ZFYVE9: variants seen among roughly 807,000 people sequenced by gnomAD.
ZFYVE9 encodes the protein zinc finger FYVE domain-containing protein 9.
A neutral mutation model predicts 126.7 loss-of-function variants in ZFYVE9; 43 were observed. The observed-to-expected ratio is 0.34, with a 90% confidence interval of 0.27 to 0.44. ZFYVE9 has a LOEUF of 0.44. Ranked by LOEUF, ZFYVE9 falls within the 20% of genes least tolerant of loss-of-function variation. The pLI is 1.00. For missense variants in ZFYVE9, 1,476 were observed against 1,697.0 expected, an observed-to-expected ratio of 0.87 and a Z score of 2.29; for synonymous variants, 521 against 597.4, an observed-to-expected ratio of 0.87 and a Z score of 1.87.
intron 4 of ZFYVE9, among the ~76,000 whole-genome samples, chr1:52,241,894 G>A (rs1045012375): frequency 1.3e-5 from 2 of 151,976 alleles, no homozygotes; most frequent in East Asian, 1.9e-4. Context: ...TTAAGCATAC[G>A]TAGTAATTAC....
intron 1 of ZFYVE9, among the ~76,000 whole-genome samples, chr1:52,169,497 C>G (rs188118647): frequency 2.5e-4 from 38 of 152,230 alleles, no homozygotes; most frequent in African/African-American, 7.5e-4. Flanking sequence ...ACATGTTTAT[C>G]TTGTTGATCA....
intron 9 of ZFYVE9, among the ~76,000 whole-genome samples, chr1:52,278,982 G>A (rs1433932858): frequency 4.6e-5 from 7 of 151,812 alleles, no homozygotes; most frequent in African/African-American, 1.4e-4. Context: ...CTGGTGATCC[G>A]CCCGCCTCAG....
intron 14 of ZFYVE9, 97 bp downstream of exon 14, chr1:52,333,015 GGT>G: frequency 1.4e-6 from 2 of 1,460,800 alleles, no homozygotes; most frequent in East Asian, 4.7e-5. Flanking sequence ...TTTCTAGATA[GGT>G]GACCACAAAC....
intron 4 of ZFYVE9, among the ~76,000 whole-genome samples, chr1:52,256,065 T>C (rs903821008): frequency 7.2e-6 from 1 of 139,572 alleles, no homozygotes; most frequent in African/African-American, 2.7e-5. Context: ...CTCTCTCTCT[T>C]TCTTTCTTTT....
chr1:52,268,893 C>G (rs746134118), intron 7 of ZFYVE9, among the ~76,000 whole-genome samples: 5 of 152,162 alleles, frequency 3.3e-5, no homozygotes, highest in Non-Finnish European at 7.4e-5. Context: ...AGCAGTCGGG[C>G]TGTGGGGAAT....
rs765566684 is a variant in ZFYVE9 at position 52,237,589 on chromosome 1, G to A, written c.172G>A (p.Glu58Lys). 6 of 1,614,006 alleles carry A rather than the reference G, an allele frequency of 3.7e-6. No homozygotes were observed. The highest frequency in any genetic ancestry group is 3.3e-4 in the Middle Eastern group (2 of 6,062). The change falls in exon 4 of 19, where the codon GAA becomes AAA. Residue 58 changes from glutamate to lysine, a missense_variant. Around this residue, in one of 2 missense-constraint regions of ZFYVE9, gnomAD observed 807 missense variants for 794.6 expected, o/e 1.02. Transcript: ENST00000287727. ...SFNPTLASVN[E>K]SAVSNESQPQ... ...TAACCCTACTTTGGCCAGTGTGAAT[G>A]AATCTGCAGTTTCTAATGAGTCACA...
intron 11 of ZFYVE9, 130 bp downstream of exon 11, chr1:52,293,807 T>C: frequency 1.2e-6 from 1 of 837,166 alleles, no homozygotes; most frequent in South Asian, 1.8e-5. Context: ...ATTTGGCCAG[T>C]GTCTGCGTGT....
intron 1 of ZFYVE9, among the ~76,000 whole-genome samples, chr1:52,204,980 C>CT (rs1644959838): frequency 6.6e-6 from 1 of 151,622 alleles, no homozygotes; most frequent in Admixed American, 6.6e-5. Flanking sequence ...GAGGTTCCTG[C>CT]TTGTGGGTTT....
intron 8 of ZFYVE9, 99 bp from the exon 9 acceptor site, chr1:52,278,393 A>C: frequency 2.0e-6 from 3 of 1,470,440 alleles, no homozygotes; most frequent in Non-Finnish European, 2.9e-6. Flanking sequence ...AATCAAATGC[A>C]TGTCTCTTTT....
At chr1:52,173,981 GTT>G (rs36158762) in intron 1 of ZFYVE9, among the ~76,000 whole-genome samples, 4 of 150,618 alleles carry the variant, frequency 2.7e-5, no homozygotes, top group African/African-American at 7.3e-5. Context: ...TTTTTGAAGA[GTT>G]TTTTTTTGTC....
intron 17 of ZFYVE9, among the ~76,000 whole-genome samples, chr1:52,344,376 G>A (rs779125737): frequency 2.0e-5 from 3 of 152,312 alleles, no homozygotes; most frequent in South Asian, 2.1e-4. Context: ...GCTGGGTCAC[G>A]TCAGCTATAA....
At chr1:52,259,187 T>G (rs549419379) in intron 4 of ZFYVE9, among the ~76,000 whole-genome samples, 31 of 152,260 alleles carry the variant, frequency 2.0e-4, no homozygotes, top group African/African-American at 7.0e-4. Flanking sequence ...TATGGTGGTG[T>G]TCTTGTATGT....
chr1:52,256,980 C>A (rs1267572638), intron 4 of ZFYVE9, among the ~76,000 whole-genome samples: 1 of 152,124 alleles, frequency 6.6e-6, no homozygotes, highest in Non-Finnish European at 1.5e-5. Flanking sequence ...CCTGGGACAT[C>A]ATTTTTTGCA....
intron 13 of ZFYVE9, among the ~76,000 whole-genome samples, chr1:52,309,295 G>A (rs1254706165): frequency 6.6e-6 from 1 of 152,132 alleles, no homozygotes; most frequent in East Asian, 1.9e-4. Flanking sequence ...TGGGCAACAT[G>A]GCAAGACCCC....
At chr1:52,219,950 G>A (rs1572109807) in intron 2 of ZFYVE9, among the ~76,000 whole-genome samples, 1 of 152,124 alleles carries the variant, frequency 6.6e-6, no homozygotes, top group East Asian at 1.9e-4. Flanking sequence ...GCTAATTTTT[G>A]TATTTTTAGT....
intron 13 of ZFYVE9, among the ~76,000 whole-genome samples, chr1:52,325,994 C>G (rs1646287848): frequency 6.6e-6 from 1 of 152,184 alleles, no homozygotes; most frequent in African/African-American, 2.4e-5. Flanking sequence ...TCCGGGACTC[C>G]AAGGGTGGGA....
intron 1 of ZFYVE9, among the ~76,000 whole-genome samples, chr1:52,187,985 C>T (rs1457528705): frequency 6.6e-6 from 1 of 152,138 alleles, no homozygotes; most frequent in Non-Finnish European, 1.5e-5. Flanking sequence ...GGTATATACC[C>T]AAAGGAATAT....
intron 2 of ZFYVE9, among the ~76,000 whole-genome samples, chr1:52,219,560 TGGTGTC>T (rs1161221104): frequency 6.6e-6 from 1 of 151,996 alleles, no homozygotes; most frequent in Non-Finnish European, 1.5e-5. Context: ...ATCTCTGGGC[TGGTGTC>T]GGTGAATTGG....
rs148834262 is a variant in ZFYVE9, at chr1:52,293,506, A to G, written c.3079A>G (p.Ser1027Gly). ...CTTCTTCAGTCAAAGTTTCCTTGGC[A>G]GTAAAGAACATGGTGGATTCTTATA... ...HSFFSQSFLG[S>G]KEHGGFLYVT... is the part of the protein sequence containing the mutation. The change falls in exon 11 of 19, where the codon AGT (serine) becomes GGT (glycine). Residue 1027 changes from serine to glycine, a missense_variant. This residue lies in a region of ZFYVE9 where 669 missense variants were observed against 902.4 expected (regional missense o/e 0.74). Coordinates refer to ENST00000287727, the MANE Select transcript of ZFYVE9 (RefSeq NM_004799.4). 4.2e-5 allele frequency: 68 copies of G among 1,614,038 alleles called. No homozygotes were observed. In the African/African-American group the frequency reaches 8.9e-4, roughly 21 times the overall value.
Sources: gnomAD v4.1 joint callset for allele counts (sites outside exome capture counted in the v4.1 genomes callset) on GRCh38, gnomAD v4.1.1 for gene constraint, gnomAD v4.1.1 regional missense constraint, MANE v1.5 for transcripts, NCBI Gene and HGNC (gene_info 2026-07-23, HGNC 2026-07-21) for gene names.